Variants in TXNDC16 observed in about 807,000 individuals in gnomAD.
The protein encoded by TXNDC16 is thioredoxin domain containing 16.
A neutral mutation model predicts 85.6 loss-of-function variants in TXNDC16; 74 were observed. The ratio of observed to expected loss-of-function variants is 0.86; its 90% CI spans 0.72 to 1.05. The LOEUF is 1.05. Ranked by LOEUF, TXNDC16 falls within the 50% of genes least tolerant of loss-of-function variation. The pLI is 0.00. For synonymous variants in TXNDC16, 335 were observed against 326.5 expected, an observed-to-expected ratio of 1.03 and a Z score of -0.28; for missense variants, 959 against 947.0, an observed-to-expected ratio of 1.01 and a Z score of -0.17.
Position 52,439,331 on chromosome 14 carries a change from A to G in TXNDC16, c.2067T>C (p.Pro689=), listed in dbSNP as rs769617436. ...AATGCAGATTCACCAAAACAAGAAG[A>G]GGAAGGGGAGGCAGAGGATCAAAAT... is the stretch of plus-strand genomic sequence containing the variant. ...RAYFDPLPPL[P]LLVLVNLHSG... is the part of the protein sequence containing the mutation. Residue 689 remains proline (P), a synonymous_variant, in exon 20 of 21, where the codon CCT becomes CCC. Coordinates refer to ENST00000281741, the MANE Select transcript of TXNDC16 (RefSeq NM_020784.3). 1 of 1,614,098 alleles carries G rather than the reference A, an allele frequency of 6.2e-7. No individual in the cohort carries two copies. The highest frequency in any genetic ancestry group is 1.7e-5 in the Admixed American group (1 of 59,996).
chr14:52,482,370 T>C (rs2036169910), intron 13 of TXNDC16, 81 bp from the exon 14 acceptor site: 8 of 1,196,294 alleles, frequency 6.7e-6, no homozygotes, highest in Non-Finnish European at 9.6e-6. Flanking sequence ...AATATACAGA[T>C]TTATGAGGTT....
chr14:52,471,647 T>C (rs2035910482), intron 14 of TXNDC16, among the ~76,000 whole-genome samples: 2 of 152,172 alleles, frequency 1.3e-5, no homozygotes, highest in Admixed American at 1.3e-4. Flanking sequence ...AGGGACTATG[T>C]CTGTTTATTT....
intron 17 of TXNDC16, among the ~76,000 whole-genome samples, chr14:52,455,979 C>T (rs1346122996): frequency 6.6e-6 from 1 of 152,008 alleles, no homozygotes; most frequent in Non-Finnish European, 1.5e-5. Flanking sequence ...ATGAGGTGTC[C>T]CTGACACAGT....
At chr14:52,453,753 C>T (rs1252953118) in intron 18 of TXNDC16, among the ~76,000 whole-genome samples, 1 of 152,060 alleles carries the variant, frequency 6.6e-6, no homozygotes, top group African/African-American at 2.4e-5. Flanking sequence ...TATCTTTCAC[C>T]ATATACAAAA....
intron 9 of TXNDC16, among the ~76,000 whole-genome samples, chr14:52,498,995 T>C (rs1302300846): frequency 6.6e-6 from 1 of 151,996 alleles, no homozygotes; most frequent in Non-Finnish European, 1.5e-5. Context: ...TGGAACAAAA[T>C]AGAGAGCCCA....
chr14:52,432,381 T>G lies in TXNDC16; in HGVS notation c.2401A>C (p.Asn801His), dbSNP rs142193862. ...PIETLRIKHW[N>H]RSNWFKEAEK... is the part of the protein sequence containing the mutation. ...GCTTCTTTAAACCAATTACTTCTAT[T>G]CCAATGCTTTATTCTCAGAGTTTCA... Residue 801 changes from asparagine (N) to histidine (H), a missense_variant, in exon 21 of 21, where the codon AAT becomes CAT. Transcript: ENST00000281741. The G allele has an allele frequency of 3.1e-6, 5 of 1,613,900 alleles. No individual in the cohort carries two copies. Among genetic ancestry groups the G allele is most frequent in the Admixed American group, 1.7e-5 (1 of 59,996 alleles).
chr14:52,502,397 CT>C (rs1179617328), intron 9 of TXNDC16, among the ~76,000 whole-genome samples: 4 of 150,702 alleles, frequency 2.7e-5, no homozygotes, highest in Non-Finnish European at 5.9e-5. Context: ...CATGGCACAA[CT>C]CTACAAAGTA....
In TXNDC16 at chr14:52,439,407, A is replaced by T; in HGVS notation, c.2004-13T>A. The T allele has an allele frequency of 6.3e-7, 1 of 1,596,738 alleles. No homozygotes were observed. The highest frequency in any genetic ancestry group is 8.5e-7 in the Non-Finnish European group (1 of 1,170,612). ...TGGAGTATTCTTTCTGCAAAAGGGA[A>T]CAATTGAACATATTAATATTTCTTT... On this transcript the variant is annotated splice_polypyrimidine_tract_variant and intron_variant, in intron 19 of 20. Coordinates refer to ENST00000281741, the MANE Select transcript of TXNDC16 (RefSeq NM_020784.3).
intron 7 of TXNDC16, among the ~76,000 whole-genome samples, chr14:52,517,814 C>G (rs2037120099): frequency 6.6e-6 from 1 of 152,162 alleles, no homozygotes; most frequent in African/African-American, 2.4e-5. Flanking sequence ...ATTCTTCCAG[C>G]CAGTGCCCCG....
chr14:52,532,586 G>A (rs954959861), intron 6 of TXNDC16, among the ~76,000 whole-genome samples: 3 of 151,962 alleles, frequency 2.0e-5, no homozygotes, highest in East Asian at 3.9e-4. Flanking sequence ...ACAGGCGCCC[G>A]CCACCACGCC....
chr14:52,454,675 G>T (rs1446834507), intron 18 of TXNDC16, among the ~76,000 whole-genome samples: 1 of 144,292 alleles, frequency 6.9e-6, no homozygotes, highest in Non-Finnish European at 1.5e-5. Context: ...AAAAAGCCAG[G>T]TGTAGTAGTG....
intron 4 of TXNDC16, among the ~76,000 whole-genome samples, chr14:52,538,161 G>A (rs1337516628): frequency 1.3e-5 from 2 of 152,204 alleles, no homozygotes; most frequent in Non-Finnish European, 2.9e-5. Flanking sequence ...GTGTTTGGAG[G>A]AGTCACTGGG....
At chr14:52,485,627 T>G (rs1469999325) in intron 12 of TXNDC16, among the ~76,000 whole-genome samples, 1 of 152,186 alleles carries the variant, frequency 6.6e-6, no homozygotes, top group Non-Finnish European at 1.5e-5. Context: ...TTATTGTACC[T>G]CTTCTGTGTT....
intron 6 of TXNDC16, among the ~76,000 whole-genome samples, chr14:52,532,672 G>A (rs1373883535): frequency 3.3e-5 from 5 of 151,888 alleles, no homozygotes; most frequent in East Asian, 1.9e-4. Context: ...TCCTGACCTC[G>A]TGATCTGCCC....
At chr14:52,447,903 T>C (rs1284390504) in intron 18 of TXNDC16, among the ~76,000 whole-genome samples, 9 of 151,524 alleles carry the variant, frequency 5.9e-5, no homozygotes, top group Non-Finnish European at 4.4e-5. Context: ...AACTAACATA[T>C]GTAGAATACA....
chr14:52,489,353 T>C (rs1355491119), intron 11 of TXNDC16, among the ~76,000 whole-genome samples: 1 of 152,186 alleles, frequency 6.6e-6, no homozygotes, highest in East Asian at 1.9e-4. Flanking sequence ...ATTGCCCAAC[T>C]GTTACACTTT....
chr14:52,530,371 TATA>T lies in TXNDC16; in HGVS notation c.392+6345_392+6347del, dbSNP rs1415771338. Among the ~76,000 whole-genome samples the T allele has an allele frequency of 2.5e-3, 83 of 33,468 alleles. 7 individuals are homozygous for T. The highest frequency in any genetic ancestry group is 8.8e-3 in the Admixed American group (15 of 1,714). 22.0% of individuals were successfully genotyped at this position (33,468 alleles called of 152,430 possible). ...TATTATAATATAATATATATTATTA[TATA>T]ATATTATATATAATATTATAATATA... is the stretch of plus-strand genomic sequence containing the variant. On this transcript the variant is annotated intron_variant, in intron 6 of 20. Coordinates refer to ENST00000281741, the MANE Select transcript of TXNDC16 (RefSeq NM_020784.3).
chr14:52,440,520 ACTTT>A, intron 19 of TXNDC16, 40 bp downstream of exon 19: 1 of 1,443,380 alleles, frequency 6.9e-7, no homozygotes, highest in Non-Finnish European at 9.2e-7. Context: ...AATAATTATT[ACTTT>A]CTTTACCTCT....
chr14:52,456,551 A>G (rs1223001196), intron 17 of TXNDC16, among the ~76,000 whole-genome samples: 1 of 152,182 alleles, frequency 6.6e-6, no homozygotes, highest in Non-Finnish European at 1.5e-5. Context: ...GTACACCTAT[A>G]CCTGAAAATG....
Sources: gnomAD v4.1 joint callset for allele counts (sites outside exome capture counted in the v4.1 genomes callset) on GRCh38, gnomAD v4.1.1 for gene constraint, MANE v1.5 for transcripts, NCBI Gene and HGNC (gene_info 2026-07-23, HGNC 2026-07-21) for gene names.